Variants in PRDM5 observed in about 807,000 individuals in gnomAD.
PRDM5 encodes the protein PR/SET domain 5, also known as PR domain zinc finger protein 5.
Under a neutral mutation model 81.2 loss-of-function variants are expected in PRDM5, and 56 were observed. That is an observed-to-expected ratio of 0.69 (90% CI 0.56 to 0.86). PRDM5 has a LOEUF of 0.86. Among genes scored for constraint, PRDM5 ranks in the 40% least tolerant of loss-of-function variants. PRDM5 has a pLI of 0.00. For missense variants in PRDM5, 697 were observed against 770.1 expected, an observed-to-expected ratio of 0.91 and a Z score of 1.12; for synonymous variants, 267 against 256.4, an observed-to-expected ratio of 1.04 and a Z score of -0.39.
chr4:120,710,755 A>G (rs1001324416), intron 14 of PRDM5, among the ~76,000 whole-genome samples: 3 of 152,062 alleles, frequency 2.0e-5, no homozygotes, highest in African/African-American at 4.8e-5. Context: ...CATGTGAAGA[A>G]GGATGAGTGA....
Position 120,720,770 on chromosome 4 carries a change from C to T in PRDM5, c.1624-10357G>A, listed in dbSNP as rs190022568. Reference sequence around the variant, plus strand: ...CAAAACATACCCATGGCCTAGTAAACAATGCATCTAAAAATTATAACTCTT... The same window carrying T: ...CAAAACATACCCATGGCCTAGTAAATAATGCATCTAAAAATTATAACTCTT... On this transcript the variant is annotated intron_variant, in intron 14 of 15. Transcript: ENST00000264808. Among the ~76,000 whole-genome samples, 168 of 152,224 alleles carry T rather than the reference C, an allele frequency of 1.1e-3. 1 individual carries two copies. The East Asian group carries it at 0.022, about 20-fold the overall frequency.
chr4:120,833,083 C>G (rs545393497), intron 3 of PRDM5, among the ~76,000 whole-genome samples: 2 of 152,242 alleles, frequency 1.3e-5, no homozygotes, highest in Admixed American at 1.3e-4. Flanking sequence ...AAAAAACAGG[C>G]TGAATAACAG....
intron 3 of PRDM5, among the ~76,000 whole-genome samples, 172 bp from the exon 4 acceptor site, chr4:120,821,517 G>C (rs1312720236): frequency 2.0e-5 from 3 of 151,994 alleles, no homozygotes; most frequent in African/African-American, 2.4e-5. Context: ...TCAGTTACCT[G>C]GCAAATAAAA....
intron 13 of PRDM5, among the ~76,000 whole-genome samples, chr4:120,767,976 C>G (rs1294963411): frequency 5.9e-5 from 9 of 152,178 alleles, no homozygotes; most frequent in Admixed American, 5.9e-4. Flanking sequence ...GATTGTGAGG[C>G]CTCCCCAACC....
At chr4:120,703,486 G>T (rs546475458) in intron 15 of PRDM5, among the ~76,000 whole-genome samples, 1 of 152,166 alleles carries the variant, frequency 6.6e-6, no homozygotes, top group Non-Finnish European at 1.5e-5. Context: ...CACCATGCCT[G>T]GTCTCATGTA....
intron 4 of PRDM5, among the ~76,000 whole-genome samples, chr4:120,819,201 C>T (rs1016057714): frequency 9.2e-5 from 14 of 152,124 alleles, no homozygotes; most frequent in Non-Finnish European, 1.6e-4. Context: ...ATATTTTATG[C>T]GCAGTCTAAG....
intron 15 of PRDM5, among the ~76,000 whole-genome samples, chr4:120,702,209 G>A (rs76823020): frequency 0.012 from 1,879 of 152,288 alleles, 36 homozygotes; most frequent in African/African-American, 0.043. Flanking sequence ...CAGTTGAAAT[G>A]ACTTTTTGAA....
At chr4:120,859,567 C>A (rs1344797961) in intron 2 of PRDM5, among the ~76,000 whole-genome samples, 2 of 152,076 alleles carry the variant, frequency 1.3e-5, no homozygotes, top group African/African-American at 4.8e-5. Context: ...TTTCAAGGAA[C>A]AAAGATAGTG....
chr4:120,700,743 T>G (rs1462371008), intron 15 of PRDM5, among the ~76,000 whole-genome samples: 1 of 151,986 alleles, frequency 6.6e-6, no homozygotes, highest in Non-Finnish European at 1.5e-5. Context: ...GATACAAACA[T>G]GAAAAAATGC....
intron 3 of PRDM5, among the ~76,000 whole-genome samples, chr4:120,822,486 G>A (rs1325596779): frequency 6.6e-6 from 1 of 152,184 alleles, no homozygotes; most frequent in Non-Finnish European, 1.5e-5. Flanking sequence ...GAAGACAAAG[G>A]AGAAGATGTG....
chr4:120,881,462 A>G (rs1366494893), intron 2 of PRDM5, among the ~76,000 whole-genome samples: 1 of 152,202 alleles, frequency 6.6e-6, no homozygotes, highest in Non-Finnish European at 1.5e-5. Context: ...TACTTCAAAA[A>G]ACTAAATGCA....
intron 2 of PRDM5, among the ~76,000 whole-genome samples, chr4:120,879,265 C>T (rs1203413514): frequency 6.6e-6 from 1 of 152,114 alleles, no homozygotes; most frequent in Non-Finnish European, 1.5e-5. Context: ...AAATTTAATG[C>T]ATATTTCTAA....
chr4:120,698,206 T>C (rs2148991742), intron 15 of PRDM5, among the ~76,000 whole-genome samples: 1 of 152,296 alleles, frequency 6.6e-6, no homozygotes, highest in South Asian at 2.1e-4. Context: ...GCCTTGGACT[T>C]CTTAACTCTC....
intron 15 of PRDM5, among the ~76,000 whole-genome samples, chr4:120,706,732 A>T (rs891232105): frequency 7.1e-6 from 1 of 140,980 alleles, no homozygotes; most frequent in African/African-American, 2.6e-5. Context: ...TATATAAATT[A>T]TATATATATG....
intron 2 of PRDM5, among the ~76,000 whole-genome samples, chr4:120,866,862 A>G (rs1285139421): frequency 2.0e-5 from 3 of 152,212 alleles, no homozygotes; most frequent in Admixed American, 6.5e-5. Flanking sequence ...TGATCATGTT[A>G]TATAGGGATA....
chr4:120,726,486 A>G (rs1448617226), intron 14 of PRDM5, among the ~76,000 whole-genome samples: 1 of 152,222 alleles, frequency 6.6e-6, no homozygotes, highest in Non-Finnish European at 1.5e-5. Context: ...AAGAACTGCC[A>G]GCACAATCTC....
downstream of PRDM5, among the ~76,000 whole-genome samples, chr4:120,691,253 G>T (rs183965655): frequency 3.3e-5 from 5 of 152,038 alleles, no homozygotes; most frequent in African/African-American, 1.2e-4. Context: ...CACAATGAAG[G>T]CTCCAGAGTT....
intron 2 of PRDM5, among the ~76,000 whole-genome samples, chr4:120,877,818 TAAAC>T (rs941800254): frequency 1.2e-4 from 18 of 152,026 alleles, no homozygotes; most frequent in African/African-American, 3.1e-4. Context: ...AATAAATAAA[TAAAC>T]AAACAAACAA....
At chr4:120,788,210 T>C (rs934199631) in intron 10 of PRDM5, among the ~76,000 whole-genome samples, 7 of 152,288 alleles carry the variant, frequency 4.6e-5, no homozygotes, top group Admixed American at 2.0e-4. Context: ...CATAAAAAGA[T>C]ATAAACCTGG....
Sources: gnomAD v4.1 joint callset for allele counts (sites outside exome capture counted in the v4.1 genomes callset) on GRCh38, gnomAD v4.1.1 for gene constraint, MANE v1.5 for transcripts, NCBI Gene and HGNC (gene_info 2026-07-23, HGNC 2026-07-21) for gene names.